IGFBP7: variants seen among roughly 807,000 people sequenced by gnomAD.
IGFBP7 encodes insulin-like growth factor-binding protein 7.
In IGFBP7, 31 loss-of-function variants were observed where a neutral mutation model predicts 29.4. That is an observed-to-expected ratio of 1.05 (90% CI 0.79 to 1.42). The LOEUF is 1.42. IGFBP7 is among the 40% of genes most tolerant of loss of function. The probability of loss-of-function intolerance (pLI) is 0.00; values close to 1 mark genes in which losing one functional copy is unlikely to be tolerated. For synonymous variants in IGFBP7, 172 were observed against 174.9 expected (o/e 0.98, Z 0.13); for missense variants, 393 against 395.5 (o/e 0.99, Z 0.05).
chr4:57,047,404 G>C (rs1055442491), intron 1 of IGFBP7, among the ~76,000 whole-genome samples: 1 of 152,022 alleles, frequency 6.6e-6, no homozygotes, highest in Non-Finnish European at 1.5e-5. Context: ...ACTCAGTCTC[G>C]GGTATGTATT....
chr4:57,090,579 G>C (rs1488623610), intron 1 of IGFBP7, among the ~76,000 whole-genome samples: 4 of 152,184 alleles, frequency 2.6e-5, no homozygotes, highest in African/African-American at 9.7e-5. Context: ...GCTCACACTT[G>C]TAATCCTAGC....
intron 1 of IGFBP7, among the ~76,000 whole-genome samples, chr4:57,081,430 A>G (rs541400710): frequency 6.6e-6 from 1 of 152,194 alleles, no homozygotes; most frequent in East Asian, 1.9e-4. Context: ...TTCCCCTCAG[A>G]AAGGAAAACA....
intron 4 of IGFBP7, chr4:57,032,194 C>CA: frequency 9.0e-7 from 1 of 1,115,138 alleles, no homozygotes; most frequent in Non-Finnish European, 1.2e-6. Context: ...TTGACTCTTA[C>CA]ATGTTAGATA....
intron 1 of IGFBP7, among the ~76,000 whole-genome samples, chr4:57,088,922 C>T (rs1393350827): frequency 6.6e-6 from 1 of 150,718 alleles, no homozygotes; most frequent in Admixed American, 6.7e-5. Flanking sequence ...ATCCTAGCTA[C>T]TTGGGAGGCT....
chr4:57,054,312 C>T (rs1724586733), intron 1 of IGFBP7, among the ~76,000 whole-genome samples: 1 of 120,348 alleles, frequency 8.3e-6, no homozygotes, highest in Admixed American at 7.6e-5. Context: ...CGCTGACTAA[C>T]AAGAATTCTA....
At chr4:57,094,752 A>C (rs755778047) in intron 1 of IGFBP7, among the ~76,000 whole-genome samples, 6 of 152,222 alleles carry the variant, frequency 3.9e-5, no homozygotes, top group Admixed American at 1.3e-4. Context: ...GTAGTTCTCT[A>C]ATGCTTGTTG....
At chr4:57,034,409 G>C (rs1397205348) in intron 2 of IGFBP7, among the ~76,000 whole-genome samples, 2 of 151,682 alleles carry the variant, frequency 1.3e-5, no homozygotes, top group African/African-American at 4.8e-5. Flanking sequence ...TCTCCTTTAA[G>C]AGCCAACCTG....
chr4:57,037,080 G>A (rs190900768), intron 2 of IGFBP7, among the ~76,000 whole-genome samples: 1 of 152,136 alleles, frequency 6.6e-6, no homozygotes, highest in Admixed American at 6.5e-5. Flanking sequence ...TTCATAAGTG[G>A]TAAGTGTGAT....
chr4:57,074,091 C>T lies in IGFBP7; in HGVS notation c.476-33158G>A, dbSNP rs376771028. 9.2e-5 allele frequency among the ~76,000 whole-genome samples: 14 copies of T among 151,918 alleles called. No individual in the cohort carries two copies. The South Asian group carries it at 1.9e-3, about 20-fold the overall frequency. On this transcript the variant is annotated intron_variant, in intron 1 of 4. Transcript: ENST00000295666. ...TCTTTTTTCTTTTGAGACACAGTCT[C>T]GCTGTGTCACCCAGGCTGGAGTGCA...
At position 57,040,922 on chromosome 4, in the gene IGFBP7, C is replaced by A; in HGVS notation, c.487G>T (p.Val163Leu). The change falls in exon 2 of 5, where the codon GTG becomes TTG. Residue 163 changes from valine to leucine, a missense_variant. Coordinates refer to ENST00000295666, the MANE Select transcript of IGFBP7 (RefSeq NM_001553.3). ...TTCCAGATGTCCTTGGGGGGCGTCA[C>A]TATGGAAGGACCTGCAGGAGAGGGC... The part of the protein sequence containing the change: ...KGTCEQGPSI[V>L]TPPKDIWNVT... 1 of 1,613,174 alleles carries A rather than the reference C, an allele frequency of 6.2e-7. No homozygotes were observed. Among genetic ancestry groups the A allele is most frequent in the Non-Finnish European group, 8.5e-7 (1 of 1,179,102 alleles).
chr4:57,064,622 G>C (rs1048482448), intron 1 of IGFBP7, among the ~76,000 whole-genome samples: 1 of 152,132 alleles, frequency 6.6e-6, no homozygotes, highest in Non-Finnish European at 1.5e-5. Context: ...AGAAAGTATA[G>C]AGATTCTCCT....
At chr4:57,039,763 C>T (rs1008900257) in intron 2 of IGFBP7, among the ~76,000 whole-genome samples, 3 of 150,880 alleles carry the variant, frequency 2.0e-5, no homozygotes, top group African/African-American at 7.3e-5. Flanking sequence ...TAGCTGGGGC[C>T]ACAGGCATGC....
At chr4:57,106,934 T>A (rs189572560) in intron 1 of IGFBP7, among the ~76,000 whole-genome samples, 1 of 152,204 alleles carries the variant, frequency 6.6e-6, no homozygotes, top group African/African-American at 2.4e-5. Flanking sequence ...AGTAAATTCA[T>A]AATGACAGTT....
At chr4:57,104,085 T>C (rs550429282) in intron 1 of IGFBP7, among the ~76,000 whole-genome samples, 1 of 152,244 alleles carries the variant, frequency 6.6e-6, no homozygotes, top group Admixed American at 6.5e-5. Context: ...ATTCCACATA[T>C]AAGTGAGATC....
In IGFBP7 at chr4:57,033,224, C is replaced by G; in HGVS notation, c.673G>C (p.Glu225Gln). The G allele has an allele frequency of 6.2e-7, 1 of 1,614,046 alleles. No homozygotes were observed. The highest frequency in any genetic ancestry group is 1.3e-5 in the African/African-American group (1 of 75,058). ...NLAIQTRGGPEKHEVTGWVLV... is the reference protein window; with the variant it reads ...NLAIQTRGGPQKHEVTGWVLV... ...ACCCAGCCAGTTACTTCATGCTTTT[C>G]TGGGCCACCCCGGGTCTGAATGGCC... The change falls in exon 3 of 5, where the codon GAA becomes CAA. Residue 225 changes from glutamate (E) to glutamine (Q), a missense_variant. Glu to Gln is a conservative substitution (Grantham distance 29, BLOSUM62 2). Transcript: ENST00000295666.
chr4:57,053,421 C>G (rs1724564260), intron 1 of IGFBP7, among the ~76,000 whole-genome samples: 1 of 152,100 alleles, frequency 6.6e-6, no homozygotes, highest in African/African-American at 2.4e-5. Context: ...GGTTCTTGCC[C>G]ATGGTGGTTC....
intron 1 of IGFBP7, among the ~76,000 whole-genome samples, chr4:57,070,861 G>T (rs1349523496): frequency 6.6e-6 from 1 of 152,208 alleles, no homozygotes; most frequent in African/African-American, 2.4e-5. Flanking sequence ...ACACAAATGT[G>T]TTCAAGCTTG....
intron 1 of IGFBP7, among the ~76,000 whole-genome samples, chr4:57,064,440 C>A (rs1032810555): frequency 3.3e-5 from 5 of 152,290 alleles, no homozygotes; most frequent in South Asian, 2.1e-4. Context: ...AAGAAACAAC[C>A]AGCAAAGCAT....
chr4:57,040,520 G>A (rs11573111), intron 2 of IGFBP7, among the ~76,000 whole-genome samples: 52,482 of 152,000 alleles, frequency 0.35, 9,340 homozygotes, highest in Middle Eastern at 0.45. Context: ...ACTTTCACTC[G>A]CACCCACATA....
Sources: gnomAD v4.1 joint callset for allele counts (sites outside exome capture counted in the v4.1 genomes callset) on GRCh38, gnomAD v4.1.1 for gene constraint, MANE v1.5 for transcripts, NCBI Gene and HGNC (gene_info 2026-07-23, HGNC 2026-07-21) for gene names.